Variants in CD4 observed in about 807,000 individuals in gnomAD.
CD4 encodes T-cell surface glycoprotein CD4.
In CD4, 25 loss-of-function variants were observed where a neutral mutation model predicts 50.5. The observed-to-expected ratio is 0.49, with a 90% confidence interval of 0.36 to 0.69. CD4 has a LOEUF of 0.69. Among genes scored for constraint, CD4 ranks in the 30% least tolerant of loss-of-function variants. The probability of loss-of-function intolerance (pLI) is 0.00; values close to 1 mark genes in which losing one functional copy is unlikely to be tolerated. For synonymous variants in CD4, 207 were observed against 221.9 expected, an observed-to-expected ratio of 0.93 and a Z score of 0.60; for missense variants, 456 against 548.5, an observed-to-expected ratio of 0.83 and a Z score of 1.68.
chr12:6,800,849 A>G (rs924711075), intron 3 of CD4, among the ~76,000 whole-genome samples: 1 of 152,120 alleles, frequency 6.6e-6, no homozygotes, highest in Non-Finnish European at 1.5e-5. Flanking sequence ...GCTTGAGTCC[A>G]GGAGTTCAAG....
chr12:6,817,390 C>A, intron 7 of CD4, 60 bp downstream of exon 7: 1 of 1,416,646 alleles, frequency 7.1e-7, no homozygotes, highest in Non-Finnish European at 9.7e-7. Context: ...CTGTGGTTGG[C>A]AGAGACCACC....
intron 1 of CD4, among the ~76,000 whole-genome samples, chr12:6,790,882 T>G (rs1266261178): frequency 6.6e-6 from 1 of 152,244 alleles, no homozygotes; most frequent in Non-Finnish European, 1.5e-5. Flanking sequence ...CCTGCTCTTG[T>G]GGTGGACATT....
Position 6,816,095 on chromosome 12 carries a change from G to A in CD4, c.647G>A (p.Gly216Glu), listed in dbSNP as rs782712080. Residue 216 changes from glycine to glutamate, a missense_variant, in exon 6 of 10, where the codon GGG (glycine) becomes GAG (glutamate). Transcript: ENST00000011653. This position sits in a 1 kb window ranked among gnomAD's most constrained non-coding sequence, Gnocchi z 4.9. The part of the protein sequence containing the change: ...KASSIVYKKE[G>E]EQVEFSFPLA... ...TCCAGCATAGTCTATAAGAAAGAGGGGGAACAGGTGGAGTTCTCCTTCCCA... is the reference window on the plus strand; with the variant it reads ...TCCAGCATAGTCTATAAGAAAGAGGAGGAACAGGTGGAGTTCTCCTTCCCA... 2.5e-6 allele frequency: 4 copies of A among 1,614,024 alleles called. No individual in the cohort carries two copies.
chr12:6,793,135 C>T (rs553874086), intron 1 of CD4, among the ~76,000 whole-genome samples: 10 of 152,110 alleles, frequency 6.6e-5, no homozygotes, highest in Non-Finnish European at 1.5e-4. Flanking sequence ...GCAGCGGAAG[C>T]CCAAAGCACC....
intron 9 of CD4, 141 bp from the exon 10 acceptor site, chr12:6,819,158 G>T: frequency 1.2e-6 from 1 of 866,898 alleles, no homozygotes; most frequent in East Asian, 2.4e-5. Context: ...GGAGGATGGA[G>T]CTGAAGGAGC....
At chr12:6,803,806 A>G (rs1555115748) in intron 3 of CD4, among the ~76,000 whole-genome samples, 1 of 147,362 alleles carries the variant, frequency 6.8e-6, no homozygotes, top group Non-Finnish European at 1.5e-5. Context: ...AAATAAATAA[A>G]TAAAATATAA....
At chr12:6,811,491 C>CT (rs11318741) in intron 3 of CD4, among the ~76,000 whole-genome samples, 1,909 of 111,016 alleles carry the variant, frequency 0.017, 50 homozygotes, top group East Asian at 0.054. Flanking sequence ...TTTTCTTTTT[C>CT]TTTTTTTTTT....
At chr12:6,817,700 TC>T in intron 7 of CD4, among the ~76,000 whole-genome samples, 1 of 146,068 alleles carries the variant, frequency 6.8e-6, no homozygotes, top group East Asian at 2.1e-4. Context: ...ATGCACACAC[TC>T]CCATACACTC....
intron 5 of CD4, 192 bp from the exon 6 acceptor site, chr12:6,815,864 G>T (rs1943070098): frequency 5.3e-6 from 8 of 1,517,070 alleles, no homozygotes; most frequent in Non-Finnish European, 6.2e-6. Context: ...CCTGCTGTAG[G>T]AAAATGCTGG....
intron 3 of CD4, 85 bp from the exon 4 acceptor site, chr12:6,814,057 T>C (rs1402421773): frequency 4.2e-6 from 5 of 1,186,850 alleles, no homozygotes; most frequent in Non-Finnish European, 4.8e-6. Context: ...GCAACTGATA[T>C]CAGAAGAGCC....
chr12:6,813,872 T>A (rs1555117397), intron 3 of CD4, among the ~76,000 whole-genome samples: 1 of 152,226 alleles, frequency 6.6e-6, no homozygotes, highest in South Asian at 2.1e-4. Flanking sequence ...TGGAGATTAC[T>A]GAGATGATGC....
chr12:6,800,130 A>C lies in CD4; in HGVS notation c.-9A>C. 6.2e-7 allele frequency: 1 copy of C among 1,613,870 alleles called. No individual in the cohort carries two copies. The highest frequency in any genetic ancestry group is 8.5e-7 in the Non-Finnish European group (1 of 1,179,882). ...GGCTCAGGCCCCTGCCTCCCTCGGC[A>C]AGGCCACAATGAACCGGGGAGTCCC... is the stretch of plus-strand genomic sequence containing the variant. On this transcript the variant is annotated 5_prime_UTR_variant, in exon 2 of 10. Transcript: ENST00000011653.
intron 1 of CD4, among the ~76,000 whole-genome samples, chr12:6,795,136 C>CTATA (rs1172987207): frequency 1.3e-5 from 2 of 151,850 alleles, no homozygotes; most frequent in African/African-American, 4.8e-5. Context: ...ATCTATCTAT[C>CTATA]TAATCTATCT....
At position 6,818,144 on chromosome 12, in the gene CD4, C is replaced by T. The variant is rs923449208; in HGVS notation, c.1157-277C>T. On this transcript the variant is annotated intron_variant, in intron 7 of 9. Transcript: ENST00000011653. The surrounding 1 kb of genome is among the most constrained non-coding windows in gnomAD (Gnocchi z 5.0). The stretch of plus-strand genomic sequence containing the variant: ...CACCATTCACACACGCACACACATG[C>T]ACACACTCACACATGCACACACACA... 6.6e-6 allele frequency among the ~76,000 whole-genome samples: 1 copy of T among 152,042 alleles called. No individual in the cohort carries two copies. The highest frequency in any genetic ancestry group is 1.5e-5 in the Non-Finnish European group (1 of 67,974).
At chr12:6,799,960 C>A in intron 1 of CD4, 112 bp from the exon 2 acceptor site, 1 of 610,452 alleles carries the variant, frequency 1.6e-6, no homozygotes, top group Admixed American at 2.8e-5. Context: ...TATTCTCCTG[C>A]CTCAAGTTCA....
At position 6,817,308 on chromosome 12, in the gene CD4, C is replaced by T; in HGVS notation, c.1134C>T (p.Val378=). The change falls in exon 7 of 10, where the codon GTC becomes GTT. Residue 378 remains valine (V), a synonymous_variant. Transcript: ENST00000011653. ...GTCTGCTGAGTGACTCGGGACAGGT[C>T]CTGCTGGAATCCAACATCAAGGGTA... is the stretch of plus-strand genomic sequence containing the variant. ...WQCLLSDSGQ[V]LLESNIKVLP... is the part of the protein sequence containing the mutation. 4 of 1,559,918 alleles carry T rather than the reference C, an allele frequency of 2.6e-6. No homozygotes were observed. The highest frequency in any genetic ancestry group is 4.8e-5 in the East Asian group (2 of 41,558).
chr12:6,817,446 G>T, intron 7 of CD4, 116 bp downstream of exon 7: 1 of 858,878 alleles, frequency 1.2e-6, no homozygotes, highest in Non-Finnish European at 1.8e-6. Context: ...TTATGGGTAT[G>T]GTGTCCTCTG....
rs201146641 is a variant in CD4 at position 6,816,242 on chromosome 12, G to T, written c.794G>T (p.Arg265Leu). 6.2e-7 allele frequency: 1 copy of T among 1,614,194 alleles called. No individual in the cohort carries two copies. The highest frequency in any genetic ancestry group is 8.5e-7 in the Non-Finnish European group (1 of 1,180,036). ...DLKNKEVSVK[R>L]VTQDPKLQMG... Reference sequence around the variant, plus strand: ...AAGAACAAGGAAGTGTCTGTAAAACGGGTTACCCAGGACCCTAAGCTCCAG... The same window carrying T: ...AAGAACAAGGAAGTGTCTGTAAAACTGGTTACCCAGGACCCTAAGCTCCAG... The change falls in exon 6 of 10, where the codon CGG (arginine) becomes CTG (leucine). Residue 265 changes from arginine (R) to leucine (L), a missense_variant. By Grantham distance (102) the Arg-to-Leu change is moderately radical. Transcript: ENST00000011653. The surrounding 1 kb of genome is among the most constrained non-coding windows in gnomAD (Gnocchi z 4.9).
Position 6,818,935 on chromosome 12 carries a change from G to A in CD4, c.1346+21G>A. On this transcript the variant is annotated intron_variant, in intron 9 of 9. Transcript: ENST00000011653. The surrounding 1 kb of genome is among the most constrained non-coding windows in gnomAD (Gnocchi z 5.0). ...CCTCAGTAAGGATCTGGGAGGAGGG[G>A]TTGAGAGAGGGGAAAGGGGGAGGGG... The A allele has an allele frequency of 2.6e-6, 3 of 1,172,596 alleles. No individual in the cohort carries two copies. The highest frequency in any genetic ancestry group is 3.8e-6 in the Non-Finnish European group (3 of 786,514). 72.6% of individuals were successfully genotyped at this position (1,172,596 alleles called of 1,614,324 possible).
Sources: allele counts gnomAD v4.1 joint callset (sites outside exome capture counted in the v4.1 genomes callset), GRCh38; gene constraint gnomAD v4.1.1; non-coding constraint Gnocchi (gnomAD v3.1); transcripts MANE v1.5; gene names NCBI Gene and HGNC (gene_info 2026-07-23, HGNC 2026-07-21).